The following SPOP variants were observed in gnomAD, a reference collection of about 807,000 sequenced individuals.
SPOP encodes speckle type BTB/POZ protein, also known as speckle-type POZ protein.
SPOP carries 11 observed loss-of-function variants against 45.6 expected under a neutral mutation model. The observed-to-expected ratio is 0.24, with a 90% CI of 0.15 to 0.40. The LOEUF (loss-of-function observed/expected upper bound fraction) is 0.40, where lower values mean the gene tolerates loss of function less well. Ranked by LOEUF, SPOP falls within the 10% of genes least tolerant of loss-of-function variation. The pLI is 1.00. For missense variants in SPOP, 152 were observed against 465.6 expected (o/e 0.33, Z 6.20); for synonymous variants, 166 against 166.3 (o/e 1.00, Z 0.01).
intron 1 of SPOP, among the ~76,000 whole-genome samples, chr17:49,654,294 T>C (rs2072879269): frequency 6.6e-6 from 1 of 152,218 alleles, no homozygotes; most frequent in African/African-American, 2.4e-5. Context: ...TGTCTATCTA[T>C]GTTGCCCAGG....
chr17:49,667,104 G>A (rs1039746091), intron 1 of SPOP, among the ~76,000 whole-genome samples: 10 of 151,390 alleles, frequency 6.6e-5, no homozygotes, highest in Non-Finnish European at 1.2e-4. Flanking sequence ...CTTGAACCTG[G>A]GAGGCAGAGG....
intron 1 of SPOP, among the ~76,000 whole-genome samples, chr17:49,675,744 G>C (rs1212278878): frequency 6.6e-6 from 1 of 152,190 alleles, no homozygotes; most frequent in Non-Finnish European, 1.5e-5. Flanking sequence ...ATCAGGCCGG[G>C]CACAGTGGCT....
intron 1 of SPOP, among the ~76,000 whole-genome samples, chr17:49,667,787 GT>G (rs1322950069): frequency 1.3e-5 from 2 of 152,116 alleles, no homozygotes; most frequent in Non-Finnish European, 2.9e-5. Context: ...TCGAAAAGAT[GT>G]TTGTACACTC....
intron 6 of SPOP, among the ~76,000 whole-genome samples, chr17:49,609,620 T>C (rs781594363): frequency 2.6e-5 from 4 of 152,134 alleles, no homozygotes; most frequent in African/African-American, 4.8e-5. Flanking sequence ...TCCTAGTATA[T>C]GAACTAAAGT....
intron 1 of SPOP, among the ~76,000 whole-genome samples, chr17:49,632,354 TG>T (rs2072466184): frequency 6.6e-6 from 1 of 152,158 alleles, no homozygotes; most frequent in South Asian, 2.1e-4. Context: ...TACAGAGCTA[TG>T]GGGGGAGTTC....
chr17:49,641,973 C>T (rs531953857), intron 1 of SPOP, among the ~76,000 whole-genome samples: 3 of 152,054 alleles, frequency 2.0e-5, no homozygotes, highest in Admixed American at 2.0e-4. Flanking sequence ...TTGCAGTGAG[C>T]CAAGATGACG....
chr17:49,655,818 A>C (rs562452354), intron 1 of SPOP, among the ~76,000 whole-genome samples: 1 of 151,748 alleles, frequency 6.6e-6, no homozygotes, highest in African/African-American at 2.4e-5. Context: ...AATGAAAAAA[A>C]TTTTTTTTTG....
At chr17:49,608,153 T>TA (rs1421305049) in intron 6 of SPOP, among the ~76,000 whole-genome samples, 1 of 152,200 alleles carries the variant, frequency 6.6e-6, no homozygotes, top group Non-Finnish European at 1.5e-5. Context: ...ACTTCCAAAA[T>TA]AACTTATCGG....
chr17:49,669,706 A>G (rs1053205383), intron 1 of SPOP, among the ~76,000 whole-genome samples: 1 of 142,844 alleles, frequency 7.0e-6, no homozygotes, highest in Non-Finnish European at 1.5e-5. Flanking sequence ...CGGAGGTTGC[A>G]GTGAGCCGAG....
chr17:49,629,313 GT>G (rs555138816), intron 1 of SPOP, among the ~76,000 whole-genome samples: 2 of 151,872 alleles, frequency 1.3e-5, no homozygotes, highest in East Asian at 3.9e-4. Context: ...AAGTTTTCTG[GT>G]TTTTTTTCAC....
chr17:49,630,117 A>AT (rs1363277229), intron 1 of SPOP, among the ~76,000 whole-genome samples: 3 of 152,204 alleles, frequency 2.0e-5, no homozygotes, highest in African/African-American at 7.2e-5. Context: ...CCCCAGTGTC[A>AT]TAACTATTTT....
At chr17:49,645,803 CT>C (rs1345967156) in intron 1 of SPOP, among the ~76,000 whole-genome samples, 4 of 152,024 alleles carry the variant, frequency 2.6e-5, no homozygotes, top group Non-Finnish European at 5.9e-5. Flanking sequence ...TTCACTTAAG[CT>C]TTTTTTCCCC....
At chr17:49,625,846 A>C (rs2072319574) in intron 1 of SPOP, among the ~76,000 whole-genome samples, 1 of 152,224 alleles carries the variant, frequency 6.6e-6, no homozygotes, top group African/African-American at 2.4e-5. Flanking sequence ...AGGAAGGAGA[A>C]GGAGACTGGG....
At chr17:49,674,089 GT>G (rs2073170695) in intron 1 of SPOP, among the ~76,000 whole-genome samples, 1 of 152,158 alleles carries the variant, frequency 6.6e-6, no homozygotes, top group African/African-American at 2.4e-5. Context: ...AGAGGTTGCG[GT>G]GAGTCGAGAT....
intron 1 of SPOP, among the ~76,000 whole-genome samples, chr17:49,624,573 ATCC>A (rs1477872702): frequency 3.9e-5 from 6 of 152,062 alleles, no homozygotes; most frequent in Middle Eastern, 3.2e-3. Flanking sequence ...GGCTCAAGCA[ATCC>A]TCCTACCTCA....
chr17:49,632,119 A>C (rs1423286357), intron 1 of SPOP, among the ~76,000 whole-genome samples: 3 of 152,174 alleles, frequency 2.0e-5, no homozygotes, highest in Non-Finnish European at 4.4e-5. Context: ...TTTTGGGATC[A>C]TTTTTCCCTA....
Position 49,615,737 on chromosome 17 carries a change from C to T in SPOP, c.480+3244G>A, listed in dbSNP as rs561757082. Among the ~76,000 whole-genome samples the T allele has an allele frequency of 1.4e-4, 21 of 152,176 alleles. No homozygotes were observed. The South Asian group carries it at 3.1e-3, about 23-fold the overall frequency. The stretch of plus-strand genomic sequence containing the variant: ...TGCTCTGTCAAGAAAACTTGGGACC[C>T]GAGTTTGTGCTTCCTTGGGTGAATG... On this transcript the variant is annotated intron_variant, in intron 5 of 9. Transcript: ENST00000504102.
intron 1 of SPOP, among the ~76,000 whole-genome samples, chr17:49,626,874 C>T (rs1361532261): frequency 1.3e-5 from 2 of 151,636 alleles, no homozygotes; most frequent in South Asian, 2.1e-4. Flanking sequence ...TTTTTTGAGA[C>T]GGAATCTTTC....
At chr17:49,633,311 G>T (rs1399641944) in intron 1 of SPOP, among the ~76,000 whole-genome samples, 1 of 152,108 alleles carries the variant, frequency 6.6e-6, no homozygotes, top group Admixed American at 6.6e-5. Context: ...AGATGAACAA[G>T]AAGGTACATG....
Sources: allele counts gnomAD v4.1 joint callset (sites outside exome capture counted in the v4.1 genomes callset), GRCh38; gene constraint gnomAD v4.1.1; transcripts MANE v1.5; gene names NCBI Gene and HGNC (gene_info 2026-07-23, HGNC 2026-07-21).